AQP7: variants seen among roughly 807,000 people sequenced by gnomAD.
AQP7 encodes the protein aquaporin-7.
AQP7 carries 22 observed loss-of-function variants against 26.1 expected under a neutral mutation model. The observed-to-expected ratio is 0.84, with a 90% CI of 0.60 to 1.20. The LOEUF is 1.20. Ranked by LOEUF, AQP7 falls within the 50% of genes most tolerant of loss-of-function variation. AQP7 has a pLI of 0.00. For missense variants in AQP7, 412 were observed against 457.5 expected, an observed-to-expected ratio of 0.90 and a Z score of 0.91; for synonymous variants, 167 against 181.7, an observed-to-expected ratio of 0.92 and a Z score of 0.65.
chr9:33,392,004 G>C (rs1424867085), intron 3 of AQP7, among the ~76,000 whole-genome samples: 1 of 152,166 alleles, frequency 6.6e-6, no homozygotes, highest in Non-Finnish European at 1.5e-5. Flanking sequence ...ACAGAGCATA[G>C]AGGTTAACGG....
rs754123719 is a variant in AQP7 at position 33,385,822 on chromosome 9, C to T, written c.570G>A (p.Thr190=). The stretch of plus-strand genomic sequence containing the variant: ...GCAGTGCTGGGTTGTTCTCCTGGTC[C>T]GTGATGGCGAAGAGACACAGCTGGA... The part of the protein sequence containing the change: ...GMLQLCLFAI[T]DQENNPALPG... The change falls in exon 7 of 8, where the codon ACG becomes ACA. Residue 190 remains threonine, a synonymous_variant. Transcript: ENST00000297988. 4.9e-5 allele frequency: 79 copies of T among 1,612,392 alleles called. No homozygotes were observed. The highest frequency in any genetic ancestry group is 4.7e-4 in the East Asian group (21 of 44,890).
rs553462315 is a variant in AQP7 at position 33,383,704 on chromosome 9, C to G, written c.*1301G>C. ...GTGTGCTTTCTAAACCTCACCTCAC[C>G]GTGTCCCCACCTCCAGAACGAAGCC... On this transcript the variant is annotated 3_prime_UTR_variant, in exon 8 of 8. Coordinates refer to ENST00000297988, the MANE Select transcript of AQP7 (RefSeq NM_001170.3). The G allele has an allele frequency of 1.3e-5, 2 of 152,594 alleles. No homozygotes were observed. The highest frequency in any genetic ancestry group is 2.4e-5 in the African/African-American group (1 of 41,426). The allele number at this position is 152,594 out of a possible 1,614,324, so 9.5% of individuals were successfully genotyped here. A position where few individuals can be genotyped will look rare whatever the true frequency, so the allele number is the denominator to read the frequency against.
chr9:33,387,500 C>T (rs184578750), intron 3 of AQP7, among the ~76,000 whole-genome samples: 11 of 152,124 alleles, frequency 7.2e-5, no homozygotes, highest in East Asian at 3.9e-4. Flanking sequence ...CAAATCCATC[C>T]GTGCCTGACT....
chr9:33,387,630 C>T lies in AQP7; in HGVS notation c.145-538G>A, dbSNP rs563163239. 1.6e-4 allele frequency among the ~76,000 whole-genome samples: 24 copies of T among 152,202 alleles called. No homozygotes were observed. The East Asian group carries it at 3.5e-3, about 22-fold the overall frequency. On this transcript the variant is annotated intron_variant, in intron 3 of 7. Transcript: ENST00000297988. ...CAGCTTCATTTCCACTGACCTCAGG[C>T]GGCATTCCCAAGCTGCTGCTTCTTG...
chr9:33,386,471 C>T lies in AQP7; in HGVS notation c.339G>A (p.Pro113=), dbSNP rs78695486. ...CCAGGAACTGCCCCAGCACATAGAC[C>T]GGAAACTTCCTCCAGGGCACGCGGC... ...ALGRVPWRKF[P]VYVLGQFLGS... Residue 113 remains proline (P), a synonymous_variant, in exon 5 of 8, where the codon CCG becomes CCA. Coordinates refer to ENST00000297988, the MANE Select transcript of AQP7 (RefSeq NM_001170.3). 455 of 1,612,068 alleles carry T rather than the reference C, an allele frequency of 2.8e-4. No individual in the cohort carries two copies. Among genetic ancestry groups the T allele is most frequent in the African/African-American group, 2.5e-4 (19 of 75,012 alleles).
chr9:33,400,021 C>T (rs756852315), intron 2 of AQP7, among the ~76,000 whole-genome samples: 3 of 152,002 alleles, frequency 2.0e-5, no homozygotes, highest in Admixed American at 6.6e-5. Context: ...AGTGGACTTG[C>T]AGGGGGCGGA....
intron 1 of AQP7, 90 bp from the exon 2 acceptor site, chr9:33,401,377 C>T: frequency 1.8e-6 from 2 of 1,116,008 alleles, no homozygotes; most frequent in Admixed American, 2.0e-5. Flanking sequence ...GGGAGAAGCC[C>T]TGGGGCAGCT....
Position 33,386,431 on chromosome 9 carries a change from C to T in AQP7, c.379G>A (p.Ala127Thr). ...TAGAAGAGACTGTAGATGGTGGCAG[C>T]CGCCAGGAAGGAGCCCAGGAACTGC... ...LGQFLGSFLA[A>T]ATIYSLFYTA... Residue 127 changes from alanine (A) to threonine (T), a missense_variant, in exon 5 of 8, where the codon GCT (alanine) becomes ACT (threonine). Transcript: ENST00000297988. 2 of 1,610,726 alleles carry T rather than the reference C, an allele frequency of 1.2e-6. No individual in the cohort carries two copies. The highest frequency in any genetic ancestry group is 1.7e-6 in the Non-Finnish European group (2 of 1,178,842).
Position 33,395,310 on chromosome 9 carries a change from C to T in AQP7, c.27-115G>A, listed in dbSNP as rs115122352. 2,144 of 837,422 alleles carry T rather than the reference C, an allele frequency of 2.6e-3. 31 individuals carry two copies. The African/African-American group carries it at 0.032, about 12-fold the overall frequency. The allele number at this position is 837,422 out of a possible 1,614,324, so 51.9% of individuals were successfully genotyped here. On this transcript the variant is annotated intron_variant, in intron 2 of 7. Coordinates refer to ENST00000297988, the MANE Select transcript of AQP7 (RefSeq NM_001170.3). ...GTAACCCAGCAGCCTCGCCCACACACGCCTCCTCTTGCGCAGGGCAGCTGG... is the reference window on the plus strand; with the variant it reads ...GTAACCCAGCAGCCTCGCCCACACATGCCTCCTCTTGCGCAGGGCAGCTGG...
Position 33,395,052 on chromosome 9 carries a change from C to T in AQP7, c.144+26G>A, listed in dbSNP as rs79803453. 6.3e-7 allele frequency: 1 copy of T among 1,598,440 alleles called. No individual in the cohort carries two copies. Among genetic ancestry groups the T allele is most frequent in the Admixed American group, 1.7e-5 (1 of 59,978 alleles). On this transcript the variant is annotated intron_variant, in intron 3 of 7. Transcript: ENST00000297988. ...ATGGACGGCCCTGGCGGAGCCCCAC[C>T]CACTTCGTGCTGCCCACCCACTCAC...
chr9:33,385,217 G>T lies in AQP7; in HGVS notation c.817C>A (p.Leu273Met). The T allele has an allele frequency of 6.2e-7, 1 of 1,611,926 alleles. No individual in the cohort carries two copies. Among genetic ancestry groups the T allele is most frequent in the East Asian group, 2.2e-5 (1 of 44,874 alleles). ...LGAYLGGIIY[L>M]VFIGSTIPRE... ...GGGATGGTGGAGCCAATGAAGACCA[G>T]GTAGATGATGCCACCTAGATAGGCA... The change falls in exon 8 of 8, where the codon CTG (leucine) becomes ATG (methionine). Residue 273 changes from leucine to methionine, a missense_variant. Coordinates refer to ENST00000297988, the MANE Select transcript of AQP7 (RefSeq NM_001170.3).
intron 2 of AQP7, among the ~76,000 whole-genome samples, chr9:33,396,066 A>G (rs1184396726): frequency 6.6e-6 from 1 of 152,148 alleles, no homozygotes; most frequent in African/African-American, 2.4e-5. Flanking sequence ...GGTGAGTAAC[A>G]GGGCCCAAAT....
chr9:33,401,124 C>T (rs948474625), intron 2 of AQP7, 113 bp downstream of exon 2: 25 of 1,233,214 alleles, frequency 2.0e-5, no homozygotes, highest in Admixed American at 4.0e-5. Flanking sequence ...AGGAGGAGGT[C>T]GAGTGGGGAC....
At chr9:33,401,553 C>T (rs528758329) in intron 1 of AQP7, 133 of 497,958 alleles carry the variant, frequency 2.7e-4, no homozygotes, top group Middle Eastern at 1.1e-3. Flanking sequence ...GTCTGCAGCC[C>T]GGCTTTGGAC....
chr9:33,386,803 G>A (rs1824858785), intron 4 of AQP7, among the ~76,000 whole-genome samples, 166 bp downstream of exon 4: 1 of 152,180 alleles, frequency 6.6e-6, no homozygotes, highest in Non-Finnish European at 1.5e-5. Flanking sequence ...GGAAGAATCT[G>A]GGGCAAACAC....
chr9:33,395,855 G>A (rs528817224), intron 2 of AQP7, among the ~76,000 whole-genome samples: 5 of 152,312 alleles, frequency 3.3e-5, no homozygotes, highest in African/African-American at 1.2e-4. Flanking sequence ...GAAAAGGAAG[G>A]ACTGGATCTA....
intron 2 of AQP7, among the ~76,000 whole-genome samples, chr9:33,396,522 T>C (rs528657871): frequency 1.6e-4 from 24 of 148,242 alleles, no homozygotes; most frequent in Non-Finnish European, 3.1e-4. Flanking sequence ...TATCTCACTG[T>C]CTGCATGCCC....
At chr9:33,396,188 A>G (rs1825833407) in intron 2 of AQP7, among the ~76,000 whole-genome samples, 1 of 152,196 alleles carries the variant, frequency 6.6e-6, no homozygotes, top group African/African-American at 2.4e-5. Context: ...CTATAATCCC[A>G]GCACTTTGGT....
chr9:33,385,894 C>T (rs370888561), intron 6 of AQP7, 28 bp from the exon 7 acceptor site: 1 of 1,590,554 alleles, frequency 6.3e-7, no homozygotes, highest in Non-Finnish European at 8.6e-7. Context: ...TGGCAGCTCA[C>T]CTGGGCCCCT....
Sources: gnomAD v4.1 joint callset for allele counts (sites outside exome capture counted in the v4.1 genomes callset) on GRCh38, gnomAD v4.1.1 for gene constraint, MANE v1.5 for transcripts, NCBI Gene and HGNC (gene_info 2026-07-23, HGNC 2026-07-21) for gene names.